PCTP: variants seen among roughly 807,000 people sequenced by gnomAD.
PCTP encodes the protein START domain-containing protein 2.
Under a neutral mutation model 31.0 loss-of-function variants are expected in PCTP, and 27 were observed. The ratio of observed to expected loss-of-function variants is 0.87; its 90% CI spans 0.64 to 1.20. The LOEUF (loss-of-function observed/expected upper bound fraction) is 1.20, where lower values mean the gene tolerates loss of function less well. PCTP is among the 50% of genes most tolerant of loss of function. The probability of loss-of-function intolerance (pLI) is 0.00; values close to 1 mark genes in which losing one functional copy is unlikely to be tolerated. For synonymous variants in PCTP, 108 were observed against 101.2 expected, an observed-to-expected ratio of 1.07 and a Z score of -0.40; for missense variants, 287 against 268.2, an observed-to-expected ratio of 1.07 and a Z score of -0.49.
downstream of PCTP, among the ~76,000 whole-genome samples, chr17:55,827,658 G>A (rs375208898): frequency 1.3e-5 from 2 of 152,198 alleles, no homozygotes; most frequent in African/African-American, 2.4e-5. Context: ...AACATTCCCC[G>A]TTAGAGGAGA....
intron 1 of PCTP, among the ~76,000 whole-genome samples, chr17:55,754,722 A>G (rs534411275): frequency 6.6e-6 from 1 of 152,292 alleles, no homozygotes; most frequent in Admixed American, 6.5e-5. Flanking sequence ...CCTCCCTGGA[A>G]TGAAGTTCTT....
At chr17:55,784,037 T>C (rs1911661910) in intron 2 of PCTP, among the ~76,000 whole-genome samples, 1 of 152,108 alleles carries the variant, frequency 6.6e-6, no homozygotes, top group African/African-American at 2.4e-5. Context: ...CAACCAGATG[T>C]TTCCTGAGCA....
intron 5 of PCTP, among the ~76,000 whole-genome samples, chr17:55,828,949 C>A (rs569960223): frequency 1.3e-5 from 2 of 152,224 alleles, no homozygotes; most frequent in East Asian, 3.9e-4. Context: ...CTTCCCAGTC[C>A]CCCCTACATG....
At chr17:55,765,694 T>C (rs1182888253) in intron 1 of PCTP, among the ~76,000 whole-genome samples, 1 of 152,232 alleles carries the variant, frequency 6.6e-6, no homozygotes, top group East Asian at 1.9e-4. Context: ...TAAACTGAAT[T>C]ACGAATCAGA....
At chr17:55,770,737 CATG>C in intron 2 of PCTP, 1 of 149,166 alleles carries the variant, frequency 6.7e-6, no homozygotes, top group Non-Finnish European at 1.4e-5. Context: ...TTTCTTGAGA[CATG>C]GTGTCATTCT....
chr17:55,815,567 T>C (rs1454286867), intron 3 of PCTP, among the ~76,000 whole-genome samples: 1 of 152,178 alleles, frequency 6.6e-6, no homozygotes, highest in Non-Finnish European at 1.5e-5. Context: ...GTCCCTGGAA[T>C]GTGGGAGATT....
In PCTP at chr17:55,776,003, A is replaced by T. The variant is rs756766920; in HGVS notation, c.580-32A>T. 4 of 1,612,944 alleles carry T rather than the reference A, an allele frequency of 2.5e-6. No homozygotes were observed. The East Asian group carries it at 6.7e-5, about 27-fold the overall frequency. On this transcript the variant is annotated intron_variant, in intron 5 of 5. Transcript: ENST00000268896. The stretch of plus-strand genomic sequence containing the variant: ...AGAATCAAGAGTGACCACTGTGAAG[A>T]CATAGAAATGACAGTCTCATTTCCT...
rs1338166395 is a variant in PCTP at position 55,776,624 on chromosome 17, A to G, written c.*524A>G. The stretch of plus-strand genomic sequence containing the variant: ...TGCACCCAAACTGGATGACGTGCCA[A>G]TGTCCATTTGCCTTATGCTTTGTGG... On this transcript the variant is annotated 3_prime_UTR_variant, in exon 6 of 6. Transcript: ENST00000268896. 8.9e-6 allele frequency: 11 copies of G among 1,230,424 alleles called. No homozygotes were observed. The highest frequency in any genetic ancestry group is 1.1e-5 in the Non-Finnish European group (11 of 987,804). The allele number at this position is 1,230,424 out of a possible 1,614,324, so 76.2% of individuals were successfully genotyped here.
At chr17:55,821,297 T>C (rs1458405472) in intron 3 of PCTP, among the ~76,000 whole-genome samples, 1 of 152,220 alleles carries the variant, frequency 6.6e-6, no homozygotes, top group African/African-American at 2.4e-5. Flanking sequence ...TCATATATCA[T>C]TTCATGTACG....
intron 1 of PCTP, among the ~76,000 whole-genome samples, chr17:55,763,444 T>C: frequency 2.0e-5 from 3 of 147,284 alleles, no homozygotes; most frequent in Admixed American, 2.0e-4. Flanking sequence ...ACATTTGTAG[T>C]AAAAAAAAAA....
intron 1 of PCTP, among the ~76,000 whole-genome samples, chr17:55,766,258 C>CTT (rs1210880476): frequency 1.3e-4 from 18 of 138,496 alleles, no homozygotes; most frequent in African/African-American, 3.5e-4. Context: ...AGCTGCTTTT[C>CTT]TTTTTTTTTT....
chr17:55,828,546 A>G (rs1396571914), intron 5 of PCTP, among the ~76,000 whole-genome samples: 4 of 152,228 alleles, frequency 2.6e-5, no homozygotes, highest in Non-Finnish European at 5.9e-5. Flanking sequence ...TCATTGGATT[A>G]GGACCCACTC....
At chr17:55,841,036 AT>A (rs1905964979) in intron 5 of PCTP, among the ~76,000 whole-genome samples, 1 of 152,216 alleles carries the variant, frequency 6.6e-6, no homozygotes, top group African/African-American at 2.4e-5. Flanking sequence ...CGTGAAACAT[AT>A]CTTCCACGAA....
At position 55,777,180 on chromosome 17, in the gene PCTP, A is replaced by G; in HGVS notation, c.*1080A>G. ...TGGTAGGGTAAGGTATTTCTATGTC[A>G]AAGGCACAGCCTTGATGATCTCAGG... On this transcript the variant is annotated 3_prime_UTR_variant, in exon 6 of 6. Transcript: ENST00000268896. The G allele has an allele frequency of 2.0e-6, 2 of 985,568 alleles. No homozygotes were observed. The highest frequency in any genetic ancestry group is 5.2e-4 in the Middle Eastern group (1 of 1,912). The allele number at this position is 985,568 out of a possible 1,614,324, so 61.1% of individuals were successfully genotyped here.
chr17:55,824,630 T>G (rs559168809), downstream of PCTP, among the ~76,000 whole-genome samples: 159 of 152,348 alleles, frequency 1.0e-3, no homozygotes, highest in African/African-American at 3.7e-3. Context: ...GGACCTTTAG[T>G]AGGTCACTCG....
intron 1 of PCTP, among the ~76,000 whole-genome samples, chr17:55,752,886 AC>A (rs1353602379): frequency 2.0e-5 from 3 of 152,236 alleles, no homozygotes; most frequent in Middle Eastern, 3.2e-3. Flanking sequence ...GAAAATTGAT[AC>A]ATTTTCAGAA....
intron 1 of PCTP, among the ~76,000 whole-genome samples, chr17:55,752,984 T>A (rs1909792682): frequency 6.6e-6 from 1 of 152,172 alleles, no homozygotes; most frequent in African/African-American, 2.4e-5. Flanking sequence ...GCTCAAGCAG[T>A]CCTCCTGCCT....
chr17:55,843,291 A>T (rs1416844967), downstream of PCTP, among the ~76,000 whole-genome samples: 1 of 152,162 alleles, frequency 6.6e-6, no homozygotes, highest in Non-Finnish European at 1.5e-5. Flanking sequence ...GATTATGTTT[A>T]AGGATGATTG....
the PCTP span, among the ~76,000 whole-genome samples, chr17:55,848,308 G>T: frequency 0.038 from 5,849 of 152,268 alleles, 347 homozygotes; most frequent in African/African-American, 0.13. Context: ...TCAAAGAAAA[G>T]TGTGTGTAAG....
Sources: allele counts gnomAD v4.1 joint callset (sites outside exome capture counted in the v4.1 genomes callset), GRCh38; gene constraint gnomAD v4.1.1; transcripts MANE v1.5; gene names NCBI Gene and HGNC (gene_info 2026-07-23, HGNC 2026-07-21).